TENM3: variants seen among roughly 807,000 people sequenced by gnomAD.
The protein encoded by TENM3 is teneurin transmembrane protein 3.
Under a neutral mutation model 255.1 loss-of-function variants are expected in TENM3, and 63 were observed. The observed-to-expected ratio is 0.25, with a 90% CI of 0.20 to 0.30. The LOEUF is 0.30. Among genes scored for constraint, TENM3 ranks in the 10% least tolerant of loss-of-function variants. TENM3 has a pLI of 1.00. For synonymous variants in TENM3, 1,306 were observed against 1,322.3 expected, an observed-to-expected ratio of 0.99 and a Z score of 0.27; for missense variants, 2,929 against 3,461.1, an observed-to-expected ratio of 0.85 and a Z score of 3.86.
the TENM3 span, among the ~76,000 whole-genome samples, chr4:181,849,165 T>C: frequency 6.6e-6 from 1 of 152,186 alleles, no homozygotes; most frequent in Non-Finnish European, 1.5e-5. Context: ...TGCTTAATAT[T>C]CCTGTCTACA....
chr4:181,916,497 A>T, the TENM3 span, among the ~76,000 whole-genome samples: 2 of 152,196 alleles, frequency 1.3e-5, no homozygotes, highest in African/African-American at 2.4e-5. Flanking sequence ...AGATGAAAAG[A>T]TAAGGAAGCT....
At chr4:182,498,993 C>T (rs1736068557) in intron 3 of TENM3, among the ~76,000 whole-genome samples, 1 of 152,190 alleles carries the variant, frequency 6.6e-6, no homozygotes, top group Admixed American at 6.5e-5. Flanking sequence ...TCTCAGGAGT[C>T]TTAAGTTATA....
chr4:181,853,342 A>C, the TENM3 span, among the ~76,000 whole-genome samples: 1 of 152,220 alleles, frequency 6.6e-6, no homozygotes, highest in Non-Finnish European at 1.5e-5. Flanking sequence ...CTTTAGTTAA[A>C]CTTTTACGTT....
intron 11 of TENM3, 95 bp downstream of exon 11, chr4:182,682,109 C>G: frequency 1.0e-6 from 1 of 962,548 alleles, no homozygotes; most frequent in Non-Finnish European, 1.6e-6. Flanking sequence ...AAACCTAATA[C>G]AAATTTTAGT....
the TENM3 span, among the ~76,000 whole-genome samples, chr4:181,534,367 C>T: frequency 0.093 from 14,111 of 152,184 alleles, 741 homozygotes; most frequent in East Asian, 0.19. Flanking sequence ...CAGCCAATTT[C>T]TAAGCACAGT....
chr4:181,820,486 A>AACACACACACAC, the TENM3 span, among the ~76,000 whole-genome samples: 526 of 148,160 alleles, frequency 3.6e-3, 5 homozygotes, highest in African/African-American at 0.012. Context: ...ATTTTCTTTA[A>AACACACACACAC]ACACACACAC....
the TENM3 span, among the ~76,000 whole-genome samples, chr4:181,657,502 A>T: frequency 6.6e-6 from 1 of 152,204 alleles, no homozygotes; most frequent in Non-Finnish European, 1.5e-5. Flanking sequence ...GGCCATTATT[A>T]AAAGTCAGAA....
the TENM3 span, among the ~76,000 whole-genome samples, chr4:182,090,993 TA>T: frequency 6.6e-6 from 1 of 152,222 alleles, no homozygotes; most frequent in African/African-American, 2.4e-5. Flanking sequence ...TTGTATACAT[TA>T]GATGCTTTAA....
At chr4:181,575,795 A>G in the TENM3 span, among the ~76,000 whole-genome samples, 1 of 152,172 alleles carries the variant, frequency 6.6e-6, no homozygotes. Context: ...GCTCCATTTC[A>G]GCAGCCTGCT....
chr4:181,953,287 A>ATCG, the TENM3 span, among the ~76,000 whole-genome samples: 3 of 151,998 alleles, frequency 2.0e-5, no homozygotes, highest in Admixed American at 1.3e-4. Flanking sequence ...CATCATCATC[A>ATCG]TCATCATCAT....
chr4:182,073,301 A>G, the TENM3 span, among the ~76,000 whole-genome samples: 5 of 152,198 alleles, frequency 3.3e-5, no homozygotes, highest in Non-Finnish European at 7.3e-5. Context: ...CCCGTGATCC[A>G]TCACTTCCCA....
At chr4:182,658,574 A>T (rs1753955476) in intron 6 of TENM3, among the ~76,000 whole-genome samples, 1 of 152,210 alleles carries the variant, frequency 6.6e-6, no homozygotes, top group Non-Finnish European at 1.5e-5. Flanking sequence ...TTTTCCATGC[A>T]TCTTAAACTC....
intron 3 of TENM3, among the ~76,000 whole-genome samples, chr4:182,550,493 T>C (rs1741892114): frequency 6.6e-6 from 1 of 152,216 alleles, no homozygotes; most frequent in Non-Finnish European, 1.5e-5. Context: ...GGTAGCATCC[T>C]TTGCAGATGT....
At chr4:182,521,695 A>G (rs1400271055) in intron 3 of TENM3, among the ~76,000 whole-genome samples, 2 of 152,182 alleles carry the variant, frequency 1.3e-5, no homozygotes, top group Non-Finnish European at 2.9e-5. Flanking sequence ...ATAATTCCCT[A>G]TTTTTAATGC....
At chr4:182,456,905 C>T (rs938494345) in intron 3 of TENM3, among the ~76,000 whole-genome samples, 1 of 152,074 alleles carries the variant, frequency 6.6e-6, no homozygotes, top group Non-Finnish European at 1.5e-5. Context: ...CAGCTGGGCC[C>T]GGCATGGTGG....
intron 2 of TENM3, among the ~76,000 whole-genome samples, chr4:182,328,791 G>T: frequency 6.6e-6 from 1 of 152,198 alleles, no homozygotes; most frequent in Middle Eastern, 3.4e-3. Context: ...CATGGCTTCT[G>T]CTTCTCACCT....
At chr4:181,633,017 C>A in the TENM3 span, among the ~76,000 whole-genome samples, 1 of 152,200 alleles carries the variant, frequency 6.6e-6, no homozygotes, top group Non-Finnish European at 1.5e-5. Flanking sequence ...GACAAACATG[C>A]TCTCAGATTC....
At chr4:182,350,533 G>A (rs1468309795) in intron 3 of TENM3, among the ~76,000 whole-genome samples, 2 of 152,122 alleles carry the variant, frequency 1.3e-5, no homozygotes, top group East Asian at 1.9e-4. Flanking sequence ...CTGGAGAGAC[G>A]GTGATTTGGG....
chr4:182,310,400 T>G (rs530072120), intron 1 of TENM3, among the ~76,000 whole-genome samples: 2 of 152,086 alleles, frequency 1.3e-5, no homozygotes, highest in South Asian at 2.1e-4. Context: ...GAGGTCTGCT[T>G]CTTCTACGTA....
Sources: gnomAD v4.1 joint callset for allele counts (sites outside exome capture counted in the v4.1 genomes callset) on GRCh38, gnomAD v4.1.1 for gene constraint, MANE v1.5 for transcripts, NCBI Gene and HGNC (gene_info 2026-07-23, HGNC 2026-07-21) for gene names.